ABCA13: variants seen among roughly 807,000 people sequenced by gnomAD.
The protein encoded by ABCA13 is ATP binding cassette subfamily A member 13.
ABCA13 carries 476 observed loss-of-function variants against 478.7 expected under a neutral mutation model. That is an observed-to-expected ratio of 0.99 (90% CI 0.92 to 1.07). ABCA13 has a LOEUF of 1.07. Ranked by LOEUF, ABCA13 falls within the 50% of genes least tolerant of loss-of-function variation. The pLI, the probability that ABCA13 is intolerant of heterozygous loss-of-function variation, is 0.00. For missense variants in ABCA13, 6,060 were observed against 5,910.6 expected (o/e 1.03, Z -0.83); for synonymous variants, 2,252 against 2,158.9 (o/e 1.04, Z -1.20).
chr7:48,303,012 T>A (rs981040327), intron 23 of ABCA13, among the ~76,000 whole-genome samples: 27 of 152,202 alleles, frequency 1.8e-4, no homozygotes, highest in Non-Finnish European at 3.5e-4. Context: ...CTTTTTTGAC[T>A]TTTTAGTAAT....
chr7:48,471,160 C>G (rs1827447014), intron 44 of ABCA13, among the ~76,000 whole-genome samples: 1 of 152,104 alleles, frequency 6.6e-6, no homozygotes, highest in Non-Finnish European at 1.5e-5. Context: ...CTGTGTCATG[C>G]CACAAAAAGG....
At chr7:48,584,601 G>T (rs1235573970) in intron 56 of ABCA13, among the ~76,000 whole-genome samples, 1 of 152,280 alleles carries the variant, frequency 6.6e-6, no homozygotes. Context: ...GCTGGTTCCT[G>T]CCTTGTGCAC....
chr7:48,586,045 A>G (rs935053797), intron 56 of ABCA13, among the ~76,000 whole-genome samples: 2 of 152,184 alleles, frequency 1.3e-5, no homozygotes, highest in Non-Finnish European at 2.9e-5. Flanking sequence ...TATCACACAG[A>G]AGAAGTGACA....
chr7:48,584,412 C>G (rs1271287148), intron 56 of ABCA13, among the ~76,000 whole-genome samples: 1 of 152,166 alleles, frequency 6.6e-6, no homozygotes, highest in South Asian at 2.1e-4. Flanking sequence ...GGACCACTGT[C>G]GGAGAGGAGT....
In ABCA13 at chr7:48,273,283, C is replaced by T; in HGVS notation, c.3617C>T (p.Ala1206Val). 3.7e-6 allele frequency: 6 copies of T among 1,613,638 alleles called. No individual in the cohort carries two copies. The African/African-American group carries it at 4.0e-5, about 11-fold the overall frequency. Residue 1206 changes from alanine to valine, a missense_variant, in exon 17 of 62, where the codon GCT becomes GTT. Ala to Val is a moderately conservative substitution (Grantham distance 64, BLOSUM62 0). Transcript: ENST00000435803. ...CQGILPTHNV[A>V]RLILNLFKNV... The stretch of plus-strand genomic sequence containing the variant: ...GGTATACTTCCCACCCATAATGTTG[C>T]TAGACTCATATTAAATTTGTTTAAA...
chr7:48,208,921 T>C (rs555249380), intron 3 of ABCA13, among the ~76,000 whole-genome samples: 7 of 152,318 alleles, frequency 4.6e-5, no homozygotes, highest in African/African-American at 1.2e-4. Flanking sequence ...CTGTTCAGTA[T>C]GCTAGTAGCT....
chr7:48,599,038 G>A (rs150417688), intron 58 of ABCA13, among the ~76,000 whole-genome samples: 36 of 151,906 alleles, frequency 2.4e-4, no homozygotes, highest in African/African-American at 8.7e-4. Context: ...TGATATGTAT[G>A]CTTATTTTCT....
At chr7:48,495,634 A>C (rs569002788) in intron 48 of ABCA13, among the ~76,000 whole-genome samples, 1 of 152,230 alleles carries the variant, frequency 6.6e-6, no homozygotes, top group East Asian at 1.9e-4. Context: ...TCACTGACAC[A>C]TTTCGTTTGC....
intron 41 of ABCA13, among the ~76,000 whole-genome samples, chr7:48,424,288 A>G (rs1483973397): frequency 6.6e-6 from 1 of 152,230 alleles, no homozygotes; most frequent in African/African-American, 2.4e-5. Context: ...GTTGAAATGA[A>G]AGAGAGTTTA....
At chr7:48,350,861 T>G (rs1223404910) in intron 30 of ABCA13, 42 bp downstream of exon 30, 7 of 1,571,550 alleles carry the variant, frequency 4.5e-6, no homozygotes, top group Non-Finnish European at 6.1e-6. Flanking sequence ...AGATGCCAAC[T>G]CCTGTAAGTT....
chr7:48,617,804 C>T (rs1382900165), intron 59 of ABCA13, among the ~76,000 whole-genome samples: 2 of 152,078 alleles, frequency 1.3e-5, no homozygotes, highest in African/African-American at 4.8e-5. Flanking sequence ...CCTGCTACGT[C>T]AGTTCACTCG....
chr7:48,497,583 T>C (rs1046262904), intron 48 of ABCA13, among the ~76,000 whole-genome samples: 1 of 152,208 alleles, frequency 6.6e-6, no homozygotes, highest in Non-Finnish European at 1.5e-5. Flanking sequence ...GCCACCTAGA[T>C]GTATATGTTT....
intron 59 of ABCA13, among the ~76,000 whole-genome samples, chr7:48,623,704 G>C (rs1793379166): frequency 6.6e-6 from 1 of 152,168 alleles, no homozygotes. Flanking sequence ...CCAACTGTCT[G>C]TTCCCTCTTA....
rs908972697 is a variant in ABCA13 at position 48,282,045 on chromosome 7, A to C, written c.8836+593A>C. Among the ~76,000 whole-genome samples the C allele has an allele frequency of 2.8e-4, 43 of 152,192 alleles. 2 individuals are homozygous for C. The highest frequency in any genetic ancestry group is 9.9e-4 in the African/African-American group (41 of 41,442). On this transcript the variant is annotated intron_variant, in intron 19 of 61. Coordinates refer to ENST00000435803, the MANE Select transcript of ABCA13 (RefSeq NM_152701.5). ...TTTTCCTGCTGCAGTCTGTAAGCTT[A>C]CTGGGAACAGGATCAGTCTCTTGCT...
intron 27 of ABCA13, among the ~76,000 whole-genome samples, chr7:48,326,915 C>G (rs1383168860): frequency 2.0e-5 from 3 of 152,150 alleles, no homozygotes; most frequent in Non-Finnish European, 4.4e-5. Context: ...AGCTCTCAGT[C>G]TCATCTATCT....
chr7:48,522,291 T>C (rs889066928), intron 53 of ABCA13, among the ~76,000 whole-genome samples: 1 of 152,160 alleles, frequency 6.6e-6, no homozygotes, highest in Admixed American at 6.5e-5. Context: ...AGATCCCACT[T>C]CCTTGCTGTC....
chr7:48,519,610 A>T (rs527261705), intron 52 of ABCA13, among the ~76,000 whole-genome samples: 1 of 152,274 alleles, frequency 6.6e-6, no homozygotes, highest in African/African-American at 2.4e-5. Flanking sequence ...CATGTTTTCT[A>T]ATTTATTTCT....
intron 3 of ABCA13, among the ~76,000 whole-genome samples, chr7:48,201,627 GGAGAA>G (rs1301672624): frequency 5.3e-5 from 8 of 152,358 alleles, no homozygotes; most frequent in African/African-American, 1.4e-4. Context: ...GGCTGAGGCA[GGAGAA>G]GAGCTTGAAC....
At chr7:48,621,578 T>C (rs185336422) in intron 59 of ABCA13, among the ~76,000 whole-genome samples, 2 of 152,334 alleles carry the variant, frequency 1.3e-5, no homozygotes, top group Admixed American at 1.3e-4. Context: ...ACATTCATTA[T>C]TTACTAAGTT....
Sources: allele counts gnomAD v4.1 joint callset (sites outside exome capture counted in the v4.1 genomes callset), GRCh38; gene constraint gnomAD v4.1.1; transcripts MANE v1.5; gene names NCBI Gene and HGNC (gene_info 2026-07-23, HGNC 2026-07-21).